Variants in UNC5C observed in about 807,000 individuals in gnomAD.
UNC5C encodes the protein unc-5 netrin receptor C, also known as netrin receptor UNC5C.
In UNC5C, 47 loss-of-function variants were observed where a neutral mutation model predicts 99.8. The ratio of observed to expected loss-of-function variants is 0.47; its 90% CI spans 0.37 to 0.60. The LOEUF is 0.60. Ranked by LOEUF, UNC5C falls within the 20% of genes least tolerant of loss-of-function variation. The pLI, the probability that UNC5C is intolerant of heterozygous loss-of-function variation, is 0.00. For missense variants in UNC5C, 1,062 were observed against 1,165.9 expected, an observed-to-expected ratio of 0.91 and a Z score of 1.30; for synonymous variants, 487 against 452.2, an observed-to-expected ratio of 1.08 and a Z score of -0.98.
At chr4:95,317,701 G>T (rs887412980) in intron 2 of UNC5C, among the ~76,000 whole-genome samples, 2 of 152,138 alleles carry the variant, frequency 1.3e-5, no homozygotes, top group Non-Finnish European at 2.9e-5. Context: ...GCAGCAGACT[G>T]GGGGAGGCCT....
chr4:95,369,672 T>G (rs925926264), intron 1 of UNC5C, among the ~76,000 whole-genome samples: 1 of 152,146 alleles, frequency 6.6e-6, no homozygotes, highest in Non-Finnish European at 1.5e-5. Context: ...AATTAAAAAT[T>G]TCTCAGTCAC....
At chr4:95,488,816 T>A (rs1021786535) in intron 1 of UNC5C, among the ~76,000 whole-genome samples, 1 of 151,746 alleles carries the variant, frequency 6.6e-6, no homozygotes, top group Non-Finnish European at 1.5e-5. Context: ...AATATTTAGA[T>A]AACTTTAGAT....
At chr4:95,277,047 C>T (rs886142670) in intron 4 of UNC5C, among the ~76,000 whole-genome samples, 2 of 152,018 alleles carry the variant, frequency 1.3e-5, no homozygotes, top group Non-Finnish European at 2.9e-5. Context: ...AGCTAACTAC[C>T]TGACCCCATC....
In UNC5C at chr4:95,168,206, C is replaced by CT. The variant is rs142267382; in HGVS notation, c.*1027dup. The CT allele has an allele frequency of 2.2e-4, 33 of 152,260 alleles. No homozygotes were observed. Among genetic ancestry groups the CT allele is most frequent in the African/African-American group, 7.9e-4 (33 of 41,542 alleles). The allele number at this position is 152,260 out of a possible 1,614,324, so 9.4% of individuals were successfully genotyped here. A position where few individuals can be genotyped will look rare whatever the true frequency, so the allele number is the denominator to read the frequency against. ...TGCCTGAGCAAGCTGAAGGAACAGACTGACAAAGCCATTCAGCATTTATCA... is the reference window on the plus strand; with the variant it reads ...TGCCTGAGCAAGCTGAAGGAACAGACTTGACAAAGCCATTCAGCATTTATCA... On this transcript the variant is annotated 3_prime_UTR_variant, in exon 16 of 16. Coordinates refer to ENST00000453304, the MANE Select transcript of UNC5C (RefSeq NM_003728.4).
At chr4:95,281,634 G>A (rs1005798139) in intron 3 of UNC5C, among the ~76,000 whole-genome samples, 14 of 152,168 alleles carry the variant, frequency 9.2e-5, no homozygotes, top group Admixed American at 1.3e-4. Flanking sequence ...TTTGGAGAGC[G>A]CCAGAAGGCA....
intron 2 of UNC5C, among the ~76,000 whole-genome samples, chr4:95,335,199 C>G (rs1473254162): frequency 6.6e-6 from 1 of 151,860 alleles, no homozygotes; most frequent in East Asian, 1.9e-4. Flanking sequence ...TTCATGTAGT[C>G]CAACAGGAAG....
At chr4:95,354,424 T>G (rs941171121) in intron 1 of UNC5C, among the ~76,000 whole-genome samples, 2 of 149,842 alleles carry the variant, frequency 1.3e-5, no homozygotes, top group African/African-American at 5.0e-5. Flanking sequence ...TTTCTACACC[T>G]TCTGTCTTCA....
intron 1 of UNC5C, among the ~76,000 whole-genome samples, chr4:95,452,511 C>T (rs1053847522): frequency 2.6e-5 from 4 of 152,076 alleles, no homozygotes; most frequent in East Asian, 1.9e-4. Flanking sequence ...CACTGAGAAG[C>T]GAACAGCAGA....
intron 7 of UNC5C, among the ~76,000 whole-genome samples, chr4:95,221,833 G>A (rs1738477041): frequency 6.6e-6 from 1 of 152,072 alleles, no homozygotes; most frequent in Non-Finnish European, 1.5e-5. Context: ...AATTCTTATT[G>A]TTTTACTTTA....
intron 1 of UNC5C, among the ~76,000 whole-genome samples, chr4:95,483,306 C>A (rs879803540): frequency 6.6e-6 from 1 of 151,720 alleles, no homozygotes. Flanking sequence ...CTTCCTTTTG[C>A]GACTATTAAA....
chr4:95,471,369 A>G (rs1747963521), intron 1 of UNC5C, among the ~76,000 whole-genome samples: 1 of 152,158 alleles, frequency 6.6e-6, no homozygotes, highest in African/African-American at 2.4e-5. Flanking sequence ...GAAAGATGAC[A>G]CCACTCAAAA....
At chr4:95,181,926 A>G (rs1409287416) in intron 14 of UNC5C, among the ~76,000 whole-genome samples, 1 of 152,242 alleles carries the variant, frequency 6.6e-6, no homozygotes, top group African/African-American at 2.4e-5. Context: ...AGGGAGAGGT[A>G]GTATTTTAAA....
At chr4:95,231,596 T>C (rs1413086932) in intron 7 of UNC5C, among the ~76,000 whole-genome samples, 1 of 151,756 alleles carries the variant, frequency 6.6e-6, no homozygotes, top group Non-Finnish European at 1.5e-5. Context: ...TACTTTACAC[T>C]AAGCCAAAAC....
At chr4:95,242,273 G>A (rs932983567) in intron 7 of UNC5C, among the ~76,000 whole-genome samples, 156 bp downstream of exon 7, 2 of 152,052 alleles carry the variant, frequency 1.3e-5, no homozygotes, top group Admixed American at 1.3e-4. Context: ...TGGAAAATTC[G>A]CTTTTTCCAA....
chr4:95,498,816 T>C (rs1721695276), intron 1 of UNC5C, among the ~76,000 whole-genome samples: 1 of 152,032 alleles, frequency 6.6e-6, no homozygotes. Context: ...TAAAACTTCA[T>C]AAGGATTCTA....
At chr4:95,514,846 G>C (rs1374851261) in intron 1 of UNC5C, among the ~76,000 whole-genome samples, 1 of 151,572 alleles carries the variant, frequency 6.6e-6, no homozygotes, top group Non-Finnish European at 1.5e-5. Flanking sequence ...CTAATTTTTT[G>C]TATTTTTGGT....
intron 1 of UNC5C, among the ~76,000 whole-genome samples, chr4:95,409,448 G>T (rs1235352828): frequency 6.6e-6 from 1 of 152,170 alleles, no homozygotes; most frequent in East Asian, 1.9e-4. Flanking sequence ...AAGGAATCAA[G>T]AATATATCCT....
intron 1 of UNC5C, among the ~76,000 whole-genome samples, chr4:95,453,688 C>T (rs765055700): frequency 6.6e-6 from 1 of 152,032 alleles, no homozygotes; most frequent in Non-Finnish European, 1.5e-5. Flanking sequence ...GAAAAAAAGC[C>T]CACCAGTGAT....
At position 95,219,094 on chromosome 4, in the gene UNC5C, T is replaced by C; in HGVS notation, c.1520A>G (p.Gln507Arg). 1 of 1,614,162 alleles carries C rather than the reference T, an allele frequency of 6.2e-7. No individual in the cohort carries two copies. Among genetic ancestry groups the C allele is most frequent in the Non-Finnish European group, 8.5e-7 (1 of 1,180,028 alleles). The part of the protein sequence containing the change: ...FTSKLSPQMT[Q>R]SLLENEALSL... ...GAGGGCTTCATTCTCCAACAACGAC[T>C]GGGTCATCTGAGGGGACAGCTTGGA... is the stretch of plus-strand genomic sequence containing the variant. The change falls in exon 9 of 16, where the codon CAG becomes CGG. Residue 507 changes from glutamine to arginine, a missense_variant. Transcript: ENST00000453304.
Sources: allele counts gnomAD v4.1 joint callset (sites outside exome capture counted in the v4.1 genomes callset), GRCh38; gene constraint gnomAD v4.1.1; transcripts MANE v1.5; gene names NCBI Gene and HGNC (gene_info 2026-07-23, HGNC 2026-07-21).